CFAP58: variants seen among roughly 807,000 people sequenced by gnomAD.
The protein encoded by CFAP58 is cilia and flagella associated protein 58.
CFAP58 carries 88 observed loss-of-function variants against 119.5 expected under a neutral mutation model. That is an observed-to-expected ratio of 0.74 (90% CI 0.62 to 0.88). The LOEUF is 0.88. Among genes scored for constraint, CFAP58 ranks in the 40% least tolerant of loss-of-function variants. CFAP58 has a pLI of 0.00. For synonymous variants in CFAP58, 365 were observed against 366.3 expected, an observed-to-expected ratio of 1.00 and a Z score of 0.04; for missense variants, 990 against 1,021.2, an observed-to-expected ratio of 0.97 and a Z score of 0.42.
chr10:104,388,750 G>A (rs2011975551), intron 9 of CFAP58, among the ~76,000 whole-genome samples: 1 of 152,164 alleles, frequency 6.6e-6, no homozygotes, highest in South Asian at 2.1e-4. Context: ...TTTTGGCTAT[G>A]CTGCAGTTTT....
At chr10:104,416,454 A>C (rs745456533) in intron 15 of CFAP58, among the ~76,000 whole-genome samples, 2 of 152,164 alleles carry the variant, frequency 1.3e-5, no homozygotes, top group Admixed American at 1.3e-4. Flanking sequence ...AACTTTCTCT[A>C]TAATTTAATT....
chr10:104,362,762 C>T (rs1358447396), intron 3 of CFAP58, among the ~76,000 whole-genome samples: 1 of 152,154 alleles, frequency 6.6e-6, no homozygotes, highest in Non-Finnish European at 1.5e-5. Context: ...TTCTTTATTC[C>T]ATCATTGCTA....
At position 104,454,473 on chromosome 10, in the gene CFAP58, T is replaced by C; in HGVS notation, c.2562T>C (p.Asn854=). 6.2e-7 allele frequency: 1 copy of C among 1,613,958 alleles called. No individual in the cohort carries two copies. Among genetic ancestry groups the C allele is most frequent in the Non-Finnish European group, 8.5e-7 (1 of 1,179,848 alleles). The change falls in exon 18 of 18, where the codon AAT becomes AAC. Residue 854 remains asparagine, a synonymous_variant. Coordinates refer to ENST00000369704, the MANE Select transcript of CFAP58 (RefSeq NM_001008723.2). ...ACACCTTCTTAATGGTCAAACCAAA[T>C]GGTCCTGGTTTTACTGGGGGCGGAT... is the stretch of plus-strand genomic sequence containing the variant. The part of the protein sequence containing the change: ...MDNTFLMVKP[N]GPGFTGGGFP...
At chr10:104,350,284 AG>A (rs1346683807), upstream of CFAP58, among the ~76,000 whole-genome samples, 3 of 152,336 alleles carry the variant, frequency 2.0e-5, no homozygotes, top group South Asian at 4.1e-4. Context: ...TGTCTAAATT[AG>A]GGGCTGACGC....
chr10:104,374,386 G>T (rs1195859278), intron 7 of CFAP58, among the ~76,000 whole-genome samples: 1 of 148,826 alleles, frequency 6.7e-6, no homozygotes, highest in Non-Finnish European at 1.5e-5. Flanking sequence ...GAGAGGCAGA[G>T]GTTGCAGTGA....
intron 15 of CFAP58, among the ~76,000 whole-genome samples, chr10:104,425,733 T>G (rs2012733812): frequency 6.6e-6 from 1 of 151,880 alleles, no homozygotes; most frequent in South Asian, 2.1e-4. Flanking sequence ...CTAGCTGAGG[T>G]TGGTTGGCTG....
intron 6 of CFAP58, among the ~76,000 whole-genome samples, chr10:104,368,869 C>T (rs546780677): frequency 1.3e-5 from 2 of 152,306 alleles, no homozygotes; most frequent in South Asian, 4.1e-4. Context: ...GCAATCCATT[C>T]ACACGTGTGA....
intron 9 of CFAP58, among the ~76,000 whole-genome samples, chr10:104,390,339 T>A (rs1284146012): frequency 2.0e-5 from 3 of 152,158 alleles, no homozygotes; most frequent in Non-Finnish European, 4.4e-5. Context: ...AGGTATTATT[T>A]GATGATAAAA....
chr10:104,396,744 T>G (rs1176796577), intron 11 of CFAP58, among the ~76,000 whole-genome samples: 2 of 152,220 alleles, frequency 1.3e-5, no homozygotes, highest in Non-Finnish European at 2.9e-5. Context: ...CAGTAACACT[T>G]GGATAGGTGC....
chr10:104,416,243 C>T (rs1175371807), intron 15 of CFAP58, among the ~76,000 whole-genome samples: 1 of 152,200 alleles, frequency 6.6e-6, no homozygotes, highest in East Asian at 1.9e-4. Flanking sequence ...ACCTAATGAA[C>T]AGTGACACGG....
At chr10:104,425,438 A>T (rs2012728066) in intron 15 of CFAP58, among the ~76,000 whole-genome samples, 2 of 152,186 alleles carry the variant, frequency 1.3e-5, no homozygotes, top group Non-Finnish European at 2.9e-5. Context: ...AAGCATAGGC[A>T]TTACACTAGC....
chr10:104,406,837 C>A, intron 15 of CFAP58, 44 bp downstream of exon 15: 1 of 1,399,952 alleles, frequency 7.1e-7, no homozygotes, highest in Non-Finnish European at 1.0e-6. Flanking sequence ...GTCCTTAGCA[C>A]CACCATCTCC....
chr10:104,379,918 C>A, intron 8 of CFAP58, 111 bp from the exon 9 acceptor site: 2 of 934,340 alleles, frequency 2.1e-6, no homozygotes, highest in Non-Finnish European at 3.3e-6. Flanking sequence ...CATTTTTATT[C>A]ATCCAAAAGA....
At chr10:104,396,161 C>T (rs972240625) in intron 11 of CFAP58, among the ~76,000 whole-genome samples, 31 of 152,296 alleles carry the variant, frequency 2.0e-4, no homozygotes, top group African/African-American at 6.5e-4. Flanking sequence ...GAGTTACTGC[C>T]TTCCAGTCCT....
chr10:104,372,457 G>C (rs1271273174), intron 7 of CFAP58, among the ~76,000 whole-genome samples: 1 of 152,190 alleles, frequency 6.6e-6, no homozygotes, highest in Non-Finnish European at 1.5e-5. Context: ...GTTTTATTGA[G>C]ATGCAGTTCC....
chr10:104,436,968 C>T (rs768163038), intron 15 of CFAP58, among the ~76,000 whole-genome samples: 26 of 152,306 alleles, frequency 1.7e-4, no homozygotes, highest in Middle Eastern at 3.4e-3. Context: ...TCTTACTCTC[C>T]ATTTGCTATA....
intron 2 of CFAP58, among the ~76,000 whole-genome samples, chr10:104,359,114 G>A (rs924526137): frequency 5.3e-5 from 8 of 152,144 alleles, no homozygotes; most frequent in Non-Finnish European, 1.0e-4. Context: ...GGAGAGCAGA[G>A]ATTCAGTCTG....
chr10:104,391,497 A>G (rs1260335906), intron 9 of CFAP58, among the ~76,000 whole-genome samples: 5 of 152,144 alleles, frequency 3.3e-5, no homozygotes, highest in African/African-American at 1.2e-4. Flanking sequence ...CTTCTTAAGG[A>G]CTTTTTAAAG....
intron 15 of CFAP58, among the ~76,000 whole-genome samples, chr10:104,445,167 A>G (rs114321498): frequency 1.6e-3 from 249 of 151,936 alleles, no homozygotes; most frequent in African/African-American, 5.8e-3. Context: ...TACAGAAAGT[A>G]CAAAAATTAG....
Sources: allele counts gnomAD v4.1 joint callset (sites outside exome capture counted in the v4.1 genomes callset), GRCh38; gene constraint gnomAD v4.1.1; transcripts MANE v1.5; gene names NCBI Gene and HGNC (gene_info 2026-07-23, HGNC 2026-07-21).